The following FGF14 variants were observed in gnomAD, a reference collection of about 807,000 sequenced individuals.
The protein encoded by FGF14 is fibroblast growth factor 14.
A neutral mutation model predicts 25.5 loss-of-function variants in FGF14; 5 were observed. The ratio of observed to expected loss-of-function variants is 0.20; its 90% CI spans 0.10 to 0.41. The LOEUF is 0.41. FGF14 is among the 10% of genes least tolerant of loss of function. The probability of loss-of-function intolerance (pLI) is 1.00; values close to 1 mark genes in which losing one functional copy is unlikely to be tolerated. For synonymous variants in FGF14, 138 were observed against 118.3 expected, an observed-to-expected ratio of 1.17 and a Z score of -1.08; for missense variants, 222 against 320.1, an observed-to-expected ratio of 0.69 and a Z score of 2.34.
chr13:102,002,614 T>A (rs575310379), intron 1 of FGF14: 2 of 155,540 alleles, frequency 1.3e-5, no homozygotes, highest in South Asian at 2.0e-4. Flanking sequence ...GTTTAAAATG[T>A]CAGGAACAGC....
At chr13:101,939,379 A>G (rs1379130833) in intron 1 of FGF14, among the ~76,000 whole-genome samples, 1 of 152,202 alleles carries the variant, frequency 6.6e-6, no homozygotes, top group Non-Finnish European at 1.5e-5. Context: ...TTAGTAAGCC[A>G]CAGGCAGCTT....
chr13:101,801,884 A>G (rs943213699), intron 3 of FGF14: 1 of 383,440 alleles, frequency 2.6e-6, no homozygotes, highest in Non-Finnish European at 5.1e-6. Flanking sequence ...CAGGATGGCT[A>G]AAGGTGACAC....
At chr13:102,141,191 T>C (rs1484108787) in intron 1 of FGF14, among the ~76,000 whole-genome samples, 1 of 152,222 alleles carries the variant, frequency 6.6e-6, no homozygotes, top group African/African-American at 2.4e-5. Context: ...AGGGAGTCTA[T>C]TCCTGGCCCA....
intron 1 of FGF14, among the ~76,000 whole-genome samples, chr13:102,310,709 GT>G (rs60674840): frequency 0.019 from 487 of 25,018 alleles, 39 homozygotes; most frequent in African/African-American, 0.026. Flanking sequence ...GGGGGGGGGG[GT>G]GGGGGTTGTT....
chr13:102,014,866 G>A (rs1413322509), intron 1 of FGF14, among the ~76,000 whole-genome samples: 1 of 152,116 alleles, frequency 6.6e-6, no homozygotes, highest in African/African-American at 2.4e-5. Context: ...TGTAAAATAT[G>A]GTTGAAGTCT....
chr13:102,072,540 G>C (rs553544266), intron 1 of FGF14, among the ~76,000 whole-genome samples: 3 of 152,182 alleles, frequency 2.0e-5, no homozygotes, highest in Admixed American at 2.0e-4. Flanking sequence ...TTTAATGATA[G>C]CCCTTCCCAA....
intron 1 of FGF14, chr13:102,002,672 A>G (rs541136799): frequency 2.0e-5 from 3 of 153,582 alleles, no homozygotes; most frequent in Admixed American, 1.3e-4. Flanking sequence ...GCACCTTATT[A>G]CGTAGCGCTA....
chr13:101,819,049 A>G (rs976345068), intron 3 of FGF14, among the ~76,000 whole-genome samples: 1 of 152,170 alleles, frequency 6.6e-6, no homozygotes, highest in Non-Finnish European at 1.5e-5. Context: ...GCAGCCACTT[A>G]TTGAGCATTT....
chr13:101,857,483 C>T (rs1177489937), intron 3 of FGF14, among the ~76,000 whole-genome samples: 14 of 151,992 alleles, frequency 9.2e-5, no homozygotes, highest in Admixed American at 6.6e-4. Flanking sequence ...CCTCAGAGAT[C>T]TAATATGTTT....
chr13:101,867,250 A>T (rs1041619260), intron 3 of FGF14, among the ~76,000 whole-genome samples: 6 of 152,296 alleles, frequency 3.9e-5, no homozygotes, highest in African/African-American at 9.6e-5. Flanking sequence ...TTAGGCTAAG[A>T]CACATACTCA....
At chr13:102,180,427 C>T (rs1290236318) in intron 1 of FGF14, among the ~76,000 whole-genome samples, 2 of 152,132 alleles carry the variant, frequency 1.3e-5, no homozygotes, top group African/African-American at 2.4e-5. Flanking sequence ...ATTCTCCTCC[C>T]TCAGCCTCCC....
chr13:101,788,887 TATATATATATATATATATATATAGAG>T (rs1463455179), intron 3 of FGF14, among the ~76,000 whole-genome samples: 1 of 42,564 alleles, frequency 2.3e-5, no homozygotes, highest in African/African-American at 6.9e-5. Flanking sequence ...TATATATATA[TATATATATATATATATATATATAGAG>T]AGAGAGAGAG....
At chr13:101,724,504 C>A (rs190520496) in intron 4 of FGF14, among the ~76,000 whole-genome samples, 3 of 150,934 alleles carry the variant, frequency 2.0e-5, no homozygotes, top group African/African-American at 7.3e-5. Flanking sequence ...TGACAAGTTA[C>A]TGGGTGCAGC....
chr13:101,796,624 C>T (rs1026755649), intron 3 of FGF14, among the ~76,000 whole-genome samples: 1 of 151,766 alleles, frequency 6.6e-6, no homozygotes, highest in Non-Finnish European at 1.5e-5. Context: ...TATTGGTATC[C>T]TTATAAAAAG....
At chr13:101,938,286 A>AC (rs1477407665) in intron 1 of FGF14, among the ~76,000 whole-genome samples, 9 of 152,162 alleles carry the variant, frequency 5.9e-5, no homozygotes, top group South Asian at 2.1e-4. Context: ...AACAACAACA[A>AC]AAAAAATCCA....
At chr13:101,896,006 G>A (rs1385116195) in intron 1 of FGF14, among the ~76,000 whole-genome samples, 1 of 152,058 alleles carries the variant, frequency 6.6e-6, no homozygotes, top group Non-Finnish European at 1.5e-5. Flanking sequence ...TTGATATCAA[G>A]TATTTTAAAT....
chr13:102,375,295 G>C (rs970072877), intron 1 of FGF14, among the ~76,000 whole-genome samples: 1 of 152,144 alleles, frequency 6.6e-6, no homozygotes, highest in Admixed American at 6.6e-5. Context: ...TGCTCAGCTA[G>C]AGCCAAGATT....
chr13:101,933,981 A>AC (rs1369933609), intron 1 of FGF14, among the ~76,000 whole-genome samples: 3 of 152,222 alleles, frequency 2.0e-5, no homozygotes, highest in Admixed American at 6.5e-5. Flanking sequence ...AAATTTTAAC[A>AC]CAATTTCTTT....
intron 1 of FGF14, among the ~76,000 whole-genome samples, chr13:102,041,664 C>A (rs1595084513): frequency 6.6e-6 from 1 of 151,676 alleles, no homozygotes; most frequent in Non-Finnish European, 1.5e-5. Context: ...TCAGAGTGTG[C>A]ACAGCAATGA....
Sources: allele counts gnomAD v4.1 joint callset (sites outside exome capture counted in the v4.1 genomes callset), GRCh38; gene constraint gnomAD v4.1.1; transcripts MANE v1.5; gene names NCBI Gene and HGNC (gene_info 2026-07-23, HGNC 2026-07-21).